The following HLCS variants were observed in gnomAD, a reference collection of about 807,000 sequenced individuals.
The protein encoded by HLCS is holocarboxylase synthetase.
HLCS carries 53 observed loss-of-function variants against 75.0 expected under a neutral mutation model. The observed-to-expected ratio is 0.71, with a 90% confidence interval of 0.57 to 0.89. HLCS has a LOEUF of 0.89. Ranked by LOEUF, HLCS falls within the 40% of genes least tolerant of loss-of-function variation. The pLI, the probability that HLCS is intolerant of heterozygous loss-of-function variation, is 0.00. For synonymous variants in HLCS, 431 were observed against 428.6 expected (o/e 1.01, Z -0.07); for missense variants, 966 against 1,074.0 (o/e 0.90, Z 1.41).
rs548685807 is a variant in HLCS at position 36,800,693 on chromosome 21, TATA to T, written c.1893-33411_1893-33409del. Among the ~76,000 whole-genome samples, 8 of 152,308 alleles carry T rather than the reference TATA, an allele frequency of 5.3e-5. No individual in the cohort carries two copies. The South Asian group carries it at 1.7e-3, about 32-fold the overall frequency. On this transcript the variant is annotated intron_variant, in intron 6 of 10. Coordinates refer to ENST00000674895, the MANE Select transcript of HLCS (RefSeq NM_001352514.2). ...GGGGTTCCACGGACTATGGCTCAGCTATAATACTACGCGATATTCTCTCCCATC... is the reference window on the plus strand; with the variant it reads ...GGGGTTCCACGGACTATGGCTCAGCTATACTACGCGATATTCTCTCCCATC...
chr21:36,839,646 G>C (rs188579471), intron 6 of HLCS, among the ~76,000 whole-genome samples: 3 of 152,248 alleles, frequency 2.0e-5, no homozygotes, highest in Non-Finnish European at 4.4e-5. Context: ...AAATTAACAG[G>C]CACATCACAG....
At chr21:36,964,172 C>G (rs562149627) in intron 1 of HLCS, among the ~76,000 whole-genome samples, 2 of 152,286 alleles carry the variant, frequency 1.3e-5, no homozygotes, top group Admixed American at 6.5e-5. Context: ...TTGCAGTGAG[C>G]GGAGATCGCG....
At chr21:36,956,196 G>C (rs915803406) in intron 2 of HLCS, among the ~76,000 whole-genome samples, 4 of 152,278 alleles carry the variant, frequency 2.6e-5, no homozygotes, top group Admixed American at 6.5e-5. Context: ...AAAGAAACTG[G>C]GAGGAGGGGT....
intron 2 of HLCS, among the ~76,000 whole-genome samples, chr21:36,959,105 C>T (rs1033467170): frequency 2.0e-5 from 3 of 152,210 alleles, no homozygotes; most frequent in African/African-American, 4.8e-5. Flanking sequence ...GCCACAGCTG[C>T]GGACCTGGGC....
At chr21:36,828,026 G>C (rs1247086482) in intron 6 of HLCS, among the ~76,000 whole-genome samples, 1 of 152,050 alleles carries the variant, frequency 6.6e-6, no homozygotes, top group Admixed American at 6.6e-5. Context: ...TGTTAGCCAG[G>C]ATGGTCTTGA....
chr21:36,990,017 C>G (rs972780194), intron 1 of HLCS: 4 of 152,262 alleles, frequency 2.6e-5, no homozygotes, highest in Non-Finnish European at 4.4e-5. Flanking sequence ...CCGGCCGTCC[C>G]GGCTGCAGCC....
intron 6 of HLCS, among the ~76,000 whole-genome samples, chr21:36,771,271 A>C (rs2060200347): frequency 6.6e-6 from 1 of 151,934 alleles, no homozygotes; most frequent in Admixed American, 6.6e-5. Context: ...AAAAGAAACA[A>C]GACAATCAAC....
chr21:36,859,956 CA>C (rs2063327223), intron 6 of HLCS, among the ~76,000 whole-genome samples: 1 of 152,242 alleles, frequency 6.6e-6, no homozygotes, highest in Non-Finnish European at 1.5e-5. Flanking sequence ...GCCCTGACCC[CA>C]TCCTGAAATT....
chr21:36,964,173 G>A (rs928612249), intron 1 of HLCS, among the ~76,000 whole-genome samples: 5 of 152,036 alleles, frequency 3.3e-5, no homozygotes, highest in African/African-American at 1.2e-4. Context: ...TGCAGTGAGC[G>A]GAGATCGCGC....
rs981444438 is a variant in HLCS, at chr21:36,808,940, G to A, written c.1893-41655C>T. ...TATAAAATTCTGGGTTAGGGCAGGC[G>A]TGGTGGCTCACACCTGTAATCCCAG... On this transcript the variant is annotated intron_variant, in intron 6 of 10. Transcript: ENST00000674895. Among the ~76,000 whole-genome samples, 7 of 152,164 alleles carry A rather than the reference G, an allele frequency of 4.6e-5. No individual in the cohort carries two copies. The South Asian group carries it at 1.0e-3, about 23-fold the overall frequency.
intron 1 of HLCS, among the ~76,000 whole-genome samples, chr21:36,982,537 C>T (rs2069142545): frequency 1.3e-5 from 2 of 152,180 alleles, no homozygotes; most frequent in Admixed American, 1.3e-4. Context: ...TAGATTTATA[C>T]TGATTTTCAC....
chr21:36,751,437 G>A lies in HLCS; in HGVS notation c.*2809C>T, dbSNP rs2089360517. ...TTTTCCATCTGAAGCAGTGCGGGGAGGCTGGCTCCTCTCTTTGTTCCCAGA... is the reference window on the plus strand; with the variant it reads ...TTTTCCATCTGAAGCAGTGCGGGGAAGCTGGCTCCTCTCTTTGTTCCCAGA... On this transcript the variant is annotated 3_prime_UTR_variant, in exon 11 of 11. Transcript: ENST00000674895. 1 of 152,352 alleles carries A rather than the reference G, an allele frequency of 6.6e-6. No individual in the cohort carries two copies. The highest frequency in any genetic ancestry group is 1.5e-5 in the Non-Finnish European group (1 of 68,094). The allele number at this position is 152,352 out of a possible 1,614,324, so 9.4% of individuals were successfully genotyped here. A position where few individuals can be genotyped will look rare whatever the true frequency, so the allele number is the denominator to read the frequency against.
intron 6 of HLCS, among the ~76,000 whole-genome samples, chr21:36,823,483 C>A (rs1250252581): frequency 6.6e-6 from 1 of 152,160 alleles, no homozygotes; most frequent in Non-Finnish European, 1.5e-5. Context: ...AACTTGTTAA[C>A]CTCCTTCAAG....
intron 6 of HLCS, among the ~76,000 whole-genome samples, chr21:36,885,615 T>TA (rs2064417459): frequency 6.6e-6 from 1 of 152,074 alleles, no homozygotes; most frequent in Non-Finnish European, 1.5e-5. Context: ...TTATAAAGGC[T>TA]AAAAAGAATT....
chr21:36,937,947 G>A (rs992823774), intron 3 of HLCS, among the ~76,000 whole-genome samples: 1 of 152,112 alleles, frequency 6.6e-6, no homozygotes, highest in African/African-American at 2.4e-5. Context: ...TGGTATTAGA[G>A]ACATGTACGA....
At chr21:36,792,823 T>C (rs2060910925) in intron 6 of HLCS, among the ~76,000 whole-genome samples, 1 of 152,132 alleles carries the variant, frequency 6.6e-6, no homozygotes, top group Non-Finnish European at 1.5e-5. Context: ...AACGAGAGGA[T>C]GCAGGGAGAG....
intron 1 of HLCS, among the ~76,000 whole-genome samples, chr21:36,963,971 C>T (rs1387081883): frequency 2.0e-5 from 3 of 152,186 alleles, no homozygotes; most frequent in African/African-American, 7.2e-5. Flanking sequence ...CCTGTAATCC[C>T]AGCACTTTGG....
intron 6 of HLCS, among the ~76,000 whole-genome samples, chr21:36,807,626 T>C (rs543734618): frequency 1.4e-4 from 21 of 152,300 alleles, no homozygotes; most frequent in South Asian, 1.0e-3. Context: ...CTCACAATAA[T>C]AACCGCTAAC....
chr21:36,831,257 A>C (rs2062199171), intron 6 of HLCS, among the ~76,000 whole-genome samples: 1 of 152,234 alleles, frequency 6.6e-6, no homozygotes, highest in Admixed American at 6.5e-5. Context: ...TGGCTAAATA[A>C]GGACATGACA....
Sources: gnomAD v4.1 joint callset for allele counts (sites outside exome capture counted in the v4.1 genomes callset) on GRCh38, gnomAD v4.1.1 for gene constraint, MANE v1.5 for transcripts, NCBI Gene and HGNC (gene_info 2026-07-23, HGNC 2026-07-21) for gene names.